The following AGMO variants were observed in gnomAD, a reference collection of about 807,000 sequenced individuals.
AGMO encodes glyceryl-ether monooxygenase.
In AGMO, 75 loss-of-function variants were observed where a neutral mutation model predicts 60.2. The ratio of observed to expected loss-of-function variants is 1.25; its 90% CI spans 1.03 to 1.51. The LOEUF is 1.51. AGMO is among the 40% of genes most tolerant of loss of function. The pLI is 0.00. For synonymous variants in AGMO, 261 were observed against 177.1 expected (o/e 1.47, Z -3.76); for missense variants, 763 against 525.5 (o/e 1.45, Z -4.42).
chr7:15,230,971 T>C (rs150481479), intron 12 of AGMO, among the ~76,000 whole-genome samples: 1 of 152,350 alleles, frequency 6.6e-6, no homozygotes, highest in African/African-American at 2.4e-5. Context: ...CCATTAATGC[T>C]TAACTCTTTC....
intron 3 of AGMO, among the ~76,000 whole-genome samples, chr7:15,471,495 A>T (rs916464414): frequency 1.3e-5 from 2 of 151,924 alleles, no homozygotes; most frequent in East Asian, 3.9e-4. Flanking sequence ...CATGGTTGTC[A>T]TGTCTCAACC....
intron 12 of AGMO, among the ~76,000 whole-genome samples, chr7:15,328,994 C>T (rs564740931): frequency 6.6e-6 from 1 of 152,206 alleles, no homozygotes; most frequent in South Asian, 2.1e-4. Context: ...GCTCCTTTAC[C>T]TCCTTCGGGA....
At chr7:15,153,076 T>C in the AGMO span, among the ~76,000 whole-genome samples, 3 of 152,336 alleles carry the variant, frequency 2.0e-5, no homozygotes, top group African/African-American at 4.8e-5. Flanking sequence ...TTTGGATTTC[T>C]CTGATAATTA....
intron 12 of AGMO, among the ~76,000 whole-genome samples, chr7:15,354,489 C>T (rs1244397497): frequency 0.11 from 1,612 of 14,410 alleles, 282 homozygotes; most frequent in African/African-American, 0.3. Context: ...TGTGTATATA[C>T]ACACGTGTAT....
chr7:15,181,094 T>TAG, the AGMO span, among the ~76,000 whole-genome samples: 8 of 152,196 alleles, frequency 5.3e-5, 1 homozygote, highest in Admixed American at 5.2e-4. Flanking sequence ...AATCACCTCT[T>TAG]AAAGGTTCCA....
At chr7:15,266,793 A>T (rs1165623335) in intron 12 of AGMO, among the ~76,000 whole-genome samples, 3 of 151,928 alleles carry the variant, frequency 2.0e-5, no homozygotes, top group Non-Finnish European at 2.9e-5. Flanking sequence ...TCTAAAAAAA[A>T]AATCAGGAAA....
chr7:15,124,571 A>C, the AGMO span, among the ~76,000 whole-genome samples: 1 of 152,148 alleles, frequency 6.6e-6, no homozygotes, highest in South Asian at 2.1e-4. Flanking sequence ...TGAAAATATT[A>C]AATTTGCTGA....
chr7:15,508,565 T>C (rs1783584714), intron 3 of AGMO, among the ~76,000 whole-genome samples: 1 of 152,002 alleles, frequency 6.6e-6, no homozygotes, highest in South Asian at 2.1e-4. Context: ...TATAAAGAGA[T>C]AAGAATATGA....
intron 10 of AGMO, among the ~76,000 whole-genome samples, chr7:15,367,516 A>G (rs1007685847): frequency 1.3e-5 from 2 of 152,102 alleles, no homozygotes. Flanking sequence ...TTCCATCATT[A>G]CACAGAAAGT....
At chr7:15,263,947 C>T (rs1235848042) in intron 12 of AGMO, among the ~76,000 whole-genome samples, 1 of 152,018 alleles carries the variant, frequency 6.6e-6, no homozygotes, top group Non-Finnish European at 1.5e-5. Context: ...TAAAAGACTA[C>T]ACATTGGCTA....
intron 3 of AGMO, among the ~76,000 whole-genome samples, chr7:15,511,656 A>G (rs1783676444): frequency 6.6e-6 from 1 of 152,150 alleles, no homozygotes; most frequent in African/African-American, 2.4e-5. Flanking sequence ...CCCAAAAGTA[A>G]CTATGTGAGG....
At chr7:15,156,456 A>T in the AGMO span, among the ~76,000 whole-genome samples, 1 of 152,170 alleles carries the variant, frequency 6.6e-6, no homozygotes, top group East Asian at 1.9e-4. Flanking sequence ...GCCTTGGGGC[A>T]TGGGCACCCA....
At chr7:15,383,353 T>C (rs780433648) in intron 10 of AGMO, among the ~76,000 whole-genome samples, 2 of 151,796 alleles carry the variant, frequency 1.3e-5, no homozygotes, top group African/African-American at 2.4e-5. Context: ...GAAGCAATAG[T>C]CCCAAACTTT....
chr7:15,353,979 T>G (rs1379486649), intron 12 of AGMO, among the ~76,000 whole-genome samples: 2 of 152,080 alleles, frequency 1.3e-5, no homozygotes, highest in South Asian at 2.1e-4. Context: ...TTTTGGAAAA[T>G]TTCATGTGAT....
At chr7:15,288,184 C>T (rs934326631) in intron 12 of AGMO, among the ~76,000 whole-genome samples, 1 of 151,860 alleles carries the variant, frequency 6.6e-6, no homozygotes, top group African/African-American at 2.4e-5. Context: ...GCACCACGCC[C>T]GGCTAATTTT....
intron 12 of AGMO, among the ~76,000 whole-genome samples, chr7:15,340,492 T>C (rs886101896): frequency 2.0e-5 from 3 of 152,086 alleles, no homozygotes; most frequent in Admixed American, 6.6e-5. Flanking sequence ...GGGGGAACAA[T>C]GGTTTCCTGG....
intron 12 of AGMO, among the ~76,000 whole-genome samples, chr7:15,305,240 TAAAAA>T (rs11351669): frequency 4.2e-4 from 49 of 117,960 alleles, no homozygotes; most frequent in Non-Finnish European, 7.3e-4. Flanking sequence ...GCAATCTGGT[TAAAAA>T]AAAAAAAAAA....
At chr7:15,484,953 T>C (rs1480047377) in intron 3 of AGMO, among the ~76,000 whole-genome samples, 1 of 149,760 alleles carries the variant, frequency 6.7e-6, no homozygotes, top group Non-Finnish European at 1.5e-5. Context: ...TTCTAAGGGG[T>C]GGTTGAGTAG....
At chr7:15,453,545 A>C (rs755327911) in intron 3 of AGMO, among the ~76,000 whole-genome samples, 4 of 152,258 alleles carry the variant, frequency 2.6e-5, no homozygotes, top group Non-Finnish European at 5.9e-5. Context: ...ATTCTAACAC[A>C]GAGCTAGAGA....
Sources: allele counts gnomAD v4.1 joint callset (sites outside exome capture counted in the v4.1 genomes callset), GRCh38; gene constraint gnomAD v4.1.1; transcripts MANE v1.5; gene names NCBI Gene and HGNC (gene_info 2026-07-23, HGNC 2026-07-21).